Variants in DNM3 observed in about 807,000 individuals in gnomAD.
DNM3 encodes the protein dynamin-3.
A neutral mutation model predicts 101.6 loss-of-function variants in DNM3; 47 were observed. The observed-to-expected ratio is 0.46, with a 90% CI of 0.37 to 0.59. The LOEUF is 0.59. Among genes scored for constraint, DNM3 ranks in the 20% least tolerant of loss-of-function variants. The pLI, the probability that DNM3 is intolerant of heterozygous loss-of-function variation, is 0.00. For missense variants in DNM3, 849 were observed against 1,085.7 expected (o/e 0.78, Z 3.06); for synonymous variants, 385 against 387.9 (o/e 0.99, Z 0.09).
chr1:172,317,865 G>A lies in DNM3; in HGVS notation c.1882-5464G>A, dbSNP rs568033372. On this transcript the variant is annotated intron_variant, in intron 16 of 20. Coordinates refer to ENST00000627582, the MANE Select transcript of DNM3 (RefSeq NM_015569.5). ...AACTATTCCAATCAATAGAAAAAGA[G>A]GGAATCCTCCCTAACTCATTTTGAG... is the stretch of plus-strand genomic sequence containing the variant. 3.6e-4 allele frequency among the ~76,000 whole-genome samples: 55 copies of A among 152,306 alleles called. No homozygotes were observed. In the South Asian group the frequency reaches 6.8e-3, roughly 19 times the overall value.
intron 2 of DNM3, among the ~76,000 whole-genome samples, chr1:171,952,470 T>C (rs1386791124): frequency 2.0e-5 from 3 of 152,190 alleles, no homozygotes; most frequent in Non-Finnish European, 4.4e-5. Flanking sequence ...CAGTCAGTTG[T>C]GTCTAAACTC....
chr1:172,002,302 G>A (rs538017489), intron 4 of DNM3, among the ~76,000 whole-genome samples: 2 of 152,146 alleles, frequency 1.3e-5, no homozygotes, highest in African/African-American at 4.8e-5. Flanking sequence ...GACTTCTTCA[G>A]GAATATGTTT....
At chr1:172,180,503 C>T (rs777103818) in intron 14 of DNM3, among the ~76,000 whole-genome samples, 1 of 152,052 alleles carries the variant, frequency 6.6e-6, no homozygotes, top group Non-Finnish European at 1.5e-5. Flanking sequence ...ATCTGCAATG[C>T]ATTTTATTTC....
intron 16 of DNM3, among the ~76,000 whole-genome samples, chr1:172,316,928 G>A (rs1385656358): frequency 6.6e-6 from 1 of 152,128 alleles, no homozygotes; most frequent in Non-Finnish European, 1.5e-5. Context: ...CAAATCAATA[G>A]AATATACATT....
At chr1:172,009,578 C>T (rs1389667176) in intron 4 of DNM3, among the ~76,000 whole-genome samples, 2 of 151,780 alleles carry the variant, frequency 1.3e-5, no homozygotes, top group East Asian at 3.9e-4. Context: ...TCAATAGCCA[C>T]ATATGGTCAA....
At chr1:172,256,234 A>AAT (rs886623879) in intron 15 of DNM3, among the ~76,000 whole-genome samples, 1 of 152,126 alleles carries the variant, frequency 6.6e-6, no homozygotes, top group Non-Finnish European at 1.5e-5. Flanking sequence ...TTGAGGTGAG[A>AAT]ATAAGTCCTT....
At chr1:172,048,466 A>T in intron 9 of DNM3, 146 bp from the exon 10 acceptor site, 1 of 838,206 alleles carries the variant, frequency 1.2e-6, no homozygotes, top group Non-Finnish European at 1.7e-6. Flanking sequence ...TGTGCCACAT[A>T]AACATTTTGG....
rs1329628830 is a variant in DNM3, at chr1:172,029,539, T to C, written c.590-2863T>C. Among the ~76,000 whole-genome samples, 3 of 152,266 alleles carry C rather than the reference T, an allele frequency of 2.0e-5. No homozygotes were observed. In the East Asian group the frequency reaches 5.8e-4, roughly 29 times the overall value. On this transcript the variant is annotated intron_variant, in intron 4 of 20. Coordinates refer to ENST00000627582, the MANE Select transcript of DNM3 (RefSeq NM_015569.5). ...CTCACCACTCCTATTCAACATAGCA[T>C]TGGAAGTTCTGGCCAGGTCAATCAG...
At chr1:172,015,136 A>T (rs747002131) in intron 4 of DNM3, among the ~76,000 whole-genome samples, 1 of 152,086 alleles carries the variant, frequency 6.6e-6, no homozygotes, top group African/African-American at 2.4e-5. Flanking sequence ...TTACATGTCT[A>T]TTCTTTCACT....
intron 17 of DNM3, among the ~76,000 whole-genome samples, chr1:172,355,281 G>T (rs2067393385): frequency 6.6e-6 from 1 of 151,842 alleles, no homozygotes; most frequent in Non-Finnish European, 1.5e-5. Context: ...TAAGTCAAGA[G>T]AATAACAAAC....
At chr1:172,237,872 T>A (rs1309906271) in intron 14 of DNM3, among the ~76,000 whole-genome samples, 1 of 152,152 alleles carries the variant, frequency 6.6e-6, no homozygotes, top group Non-Finnish European at 1.5e-5. Flanking sequence ...TCAAAAGCAA[T>A]GTGTTCAGGC....
At chr1:172,210,653 C>T (rs1314071578) in intron 14 of DNM3, among the ~76,000 whole-genome samples, 2 of 152,056 alleles carry the variant, frequency 1.3e-5, no homozygotes, top group Admixed American at 1.3e-4. Context: ...TGAAACAAAA[C>T]ACTAAGAAAA....
At chr1:172,069,917 A>T (rs1471247738) in intron 11 of DNM3, among the ~76,000 whole-genome samples, 1 of 152,166 alleles carries the variant, frequency 6.6e-6, no homozygotes, top group Admixed American at 6.5e-5. Context: ...AAAATAAAAG[A>T]GAGAGGAAAA....
At chr1:172,052,590 G>A (rs2050283689) in intron 10 of DNM3, among the ~76,000 whole-genome samples, 1 of 152,150 alleles carries the variant, frequency 6.6e-6, no homozygotes. Context: ...ATCAGTGAGA[G>A]TCCTGATTGC....
At chr1:172,024,298 T>G (rs2048044736) in intron 4 of DNM3, among the ~76,000 whole-genome samples, 1 of 152,206 alleles carries the variant, frequency 6.6e-6, no homozygotes, top group African/African-American at 2.4e-5. Context: ...ACTGTTAATT[T>G]TATAAGAATA....
chr1:172,309,177 A>C, intron 16 of DNM3: 1 of 225,046 alleles, frequency 4.4e-6, no homozygotes, highest in Non-Finnish European at 8.6e-6. Flanking sequence ...GTATTAATAC[A>C]ATCAGTATAT....
intron 1 of DNM3, among the ~76,000 whole-genome samples, chr1:171,903,041 G>T: frequency 6.6e-6 from 1 of 152,054 alleles, no homozygotes; most frequent in Non-Finnish European, 1.5e-5. Context: ...AATAGTCCCA[G>T]CTATTTGGGA....
chr1:171,963,962 T>A (rs2043395063), intron 2 of DNM3, among the ~76,000 whole-genome samples: 1 of 152,038 alleles, frequency 6.6e-6, no homozygotes, highest in Non-Finnish European at 1.5e-5. Context: ...AGGTGTCTCA[T>A]TATATATTCC....
At chr1:171,926,419 C>A (rs915175549) in intron 2 of DNM3, among the ~76,000 whole-genome samples, 1 of 152,122 alleles carries the variant, frequency 6.6e-6, no homozygotes, top group Admixed American at 6.5e-5. Context: ...AAGTGTCAAA[C>A]TTTATTTTCT....
Sources: allele counts gnomAD v4.1 joint callset (sites outside exome capture counted in the v4.1 genomes callset), GRCh38; gene constraint gnomAD v4.1.1; transcripts MANE v1.5; gene names NCBI Gene and HGNC (gene_info 2026-07-23, HGNC 2026-07-21).